The following DXO variants were observed in gnomAD, a reference collection of about 807,000 sequenced individuals.
The protein encoded by DXO is decapping and exoribonuclease protein.
In DXO, 42 loss-of-function variants were observed where a neutral mutation model predicts 39.8. The ratio of observed to expected loss-of-function variants is 1.06; its 90% CI spans 0.83 to 1.37. The LOEUF (loss-of-function observed/expected upper bound fraction) is 1.37. Among genes scored for constraint, DXO ranks in the 40% most tolerant of loss-of-function variants. DXO has a pLI of 0.00. For missense variants in DXO, 495 were observed against 513.0 expected (o/e 0.96, Z 0.34); for synonymous variants, 193 against 200.4 (o/e 0.96, Z 0.31).
rs750769901 is a variant in DXO at position 31,970,016 on chromosome 6, T to A, written c.1052A>T (p.His351Leu). 5.0e-6 allele frequency: 8 copies of A among 1,613,614 alleles called. No homozygotes were observed. In the Admixed American group the frequency reaches 1.2e-4, roughly 24 times the overall value. The change falls in exon 7 of 7, where the codon CAT (histidine) becomes CTT (leucine). Residue 351 changes from histidine to leucine, a missense_variant. Transcript: ENST00000337523. The surrounding 1 kb of genome is among the most constrained non-coding windows in gnomAD (Gnocchi z 4.0). The part of the protein sequence containing the change: ...TVVQDDPRLV[H>L]LFSWEPGGPV... ...GCCGCCAGGCTCCCAAGAGAAGAGATGAACGAGCCTGGGGGGCAGATGGAG... is the reference window on the plus strand; with the variant it reads ...GCCGCCAGGCTCCCAAGAGAAGAGAAGAACGAGCCTGGGGGGCAGATGGAG...
Position 31,969,986 on chromosome 6 carries a change from A to G in DXO, c.1082T>C (p.Val361Ala). The change falls in exon 7 of 7, where the codon GTC becomes GCC. Residue 361 changes from valine (V) to alanine (A), a missense_variant. Transcript: ENST00000337523. The surrounding 1 kb of genome is among the most constrained non-coding windows in gnomAD (Gnocchi z 6.1). ...HLFSWEPGGP[V>A]TVSVHQDAPY... ...TGCATCTTGGTGTACAGACACGGTG[A>G]CTGGGCCGCCAGGCTCCCAAGAGAA... The G allele has an allele frequency of 6.2e-7, 1 of 1,613,978 alleles. No homozygotes were observed. Among genetic ancestry groups the G allele is most frequent in the African/African-American group, 1.3e-5 (1 of 74,942 alleles).
chr6:31,971,574 G>A lies in DXO; in HGVS notation c.102C>T (p.Ala34=), dbSNP rs1271940161. 6 of 1,613,988 alleles carry A rather than the reference G, an allele frequency of 3.7e-6. No individual in the cohort carries two copies. The East Asian group carries it at 8.9e-5, about 24-fold the overall frequency. ...RPAPSLPTDP[A]LYSGPFPFYR... is the part of the protein sequence containing the mutation. ...AGAAAGGAAAGGGCCCAGAGTAGAG[G>A]GCAGGGTCTGTGGGCAGAGAAGGTG... is the stretch of plus-strand genomic sequence containing the variant. The change falls in exon 2 of 7, where the codon GCC becomes GCT. Residue 34 remains alanine, a synonymous_variant. Transcript: ENST00000337523. This position sits in a 1 kb window ranked among gnomAD's most constrained non-coding sequence, Gnocchi z 4.5.
At position 31,971,913 on chromosome 6, in the gene DXO, T is replaced by A; in HGVS notation, c.-7+16A>T. The A allele has an allele frequency of 1.3e-6, 2 of 1,529,686 alleles. No homozygotes were observed. Among genetic ancestry groups the A allele is most frequent in the Non-Finnish European group, 1.8e-6 (2 of 1,136,954 alleles). 94.8% of individuals were successfully genotyped at this position (1,529,686 alleles called of 1,614,324 possible). A position where few individuals can be genotyped will look rare whatever the true frequency, so the allele number is the denominator to read the frequency against. On this transcript the variant is annotated intron_variant, in intron 1 of 6. Transcript: ENST00000337523. This position sits in a 1 kb window ranked among gnomAD's most constrained non-coding sequence, Gnocchi z 4.5. ...GTTAGGAAGGACGTCTGCGCTCAGATCAAGAATCCAGTTACCTCAAAGCTC... is the reference window on the plus strand; with the variant it reads ...GTTAGGAAGGACGTCTGCGCTCAGAACAAGAATCCAGTTACCTCAAAGCTC...
rs1454911809 is a variant in DXO at position 31,970,293 on chromosome 6, G to A, written c.948+50C>T. On this transcript the variant is annotated intron_variant, in intron 5 of 6. Transcript: ENST00000337523. The surrounding 1 kb of genome is among the most constrained non-coding windows in gnomAD (Gnocchi z 4.0). ...CTGTTGCCCTGGATGCTAGACCTGT[G>A]GTCTTGGTGTTTGGGGATACGGGTG... The A allele has an allele frequency of 6.2e-7, 1 of 1,613,824 alleles. No homozygotes were observed. Among genetic ancestry groups the A allele is most frequent in the Non-Finnish European group, 8.5e-7 (1 of 1,179,904 alleles).
chr6:31,971,660 T>A lies in DXO; in HGVS notation c.16A>T (p.Thr6Ser). 6.2e-7 allele frequency: 1 copy of A among 1,606,484 alleles called. No individual in the cohort carries two copies. ...TCTGTCTTCTCAGCTCCTCTCTTGG[T>A]CCCCCTGGGATCCATGAGGTCCTAA... is the stretch of plus-strand genomic sequence containing the variant. Reference protein sequence around the residue: MDPRGTKRGAEKTEVA... With the variant: MDPRGSKRGAEKTEVA... Residue 6 changes from threonine (T) to serine (S), a missense_variant, in exon 2 of 7, where the codon ACC becomes TCC. Thr to Ser is a moderately conservative substitution (Grantham distance 58). Coordinates refer to ENST00000337523, the MANE Select transcript of DXO (RefSeq NM_005510.4). This position sits in a 1 kb window ranked among gnomAD's most constrained non-coding sequence, Gnocchi z 4.5.
At position 31,971,377 on chromosome 6, in the gene DXO, T is replaced by C. The variant is rs1342332748; in HGVS notation, c.299A>G (p.Gln100Arg). 1.3e-6 allele frequency: 2 copies of C among 1,576,264 alleles called. No individual in the cohort carries two copies. Among genetic ancestry groups the C allele is most frequent in the Non-Finnish European group, 1.7e-6 (2 of 1,158,528 alleles). Residue 100 changes from glutamine (Q) to arginine (R), a missense_variant, in exon 2 of 7, where the codon CAG (glutamine) becomes CGG (arginine). By Grantham distance (43) the Gln-to-Arg change is conservative (BLOSUM62 1). Coordinates refer to ENST00000337523, the MANE Select transcript of DXO (RefSeq NM_005510.4). The surrounding 1 kb of genome is among the most constrained non-coding windows in gnomAD (Gnocchi z 4.5). The part of the protein sequence containing the change: ...DRYQPRDEEV[Q>R]ERLDHLLCWL... Reference sequence around the variant, plus strand: ...GCACAGCAGGTGGTCCAGCCTTTCCTGGACCTCCTCGTCCCGGGGCTGGTA... The same window carrying C: ...GCACAGCAGGTGGTCCAGCCTTTCCCGGACCTCCTCGTCCCGGGGCTGGTA...
In DXO at chr6:31,971,084, CG is replaced by C. The variant is rs1773271953; in HGVS notation, c.419del (p.Thr140ArgfsTer23). On this transcript the variant is annotated frameshift_variant, in exon 3 of 7. Transcript: ENST00000337523. LOFTEE classifies it high-confidence loss of function. The surrounding 1 kb of genome is among the most constrained non-coding windows in gnomAD (Gnocchi z 4.5). ...TWRGHLTKLL[T>X]TPYERQEGWQ... ...AGCCCTCCTGCCGCTCATACGGTGT[CG>C]TCAGCAGTTTTGTCAGGTGCCCCCG... is the stretch of plus-strand genomic sequence containing the variant. 1 of 1,612,792 alleles carries C rather than the reference CG, an allele frequency of 6.2e-7. No individual in the cohort carries two copies. Among genetic ancestry groups the C allele is most frequent in the Non-Finnish European group, 8.5e-7 (1 of 1,180,016 alleles).
Position 31,971,873 on chromosome 6 carries a change from T to TC in DXO, c.-7+55dup. 6.9e-7 allele frequency: 1 copy of TC among 1,450,734 alleles called. No individual in the cohort carries two copies. The highest frequency in any genetic ancestry group is 9.2e-7 in the Non-Finnish European group (1 of 1,088,720). The allele number at this position is 1,450,734 out of a possible 1,614,324, so 89.9% of individuals were successfully genotyped here. The stretch of plus-strand genomic sequence containing the variant: ...CTTCACCCACCCTCCCTCCAGGTCC[T>TC]CCAAATGCAGTGAGGTTAGGAAGGA... On this transcript the variant is annotated intron_variant, in intron 1 of 6. Transcript: ENST00000337523. This position sits in a 1 kb window ranked among gnomAD's most constrained non-coding sequence, Gnocchi z 4.5.
rs1012046591 is a variant in DXO at position 31,971,667 on chromosome 6, G to A, written c.9C>T (p.Pro3=). The change falls in exon 2 of 7, where the codon CCC becomes CCT. Residue 3 remains proline (P), a synonymous_variant. Transcript: ENST00000337523. The surrounding 1 kb of genome is among the most constrained non-coding windows in gnomAD (Gnocchi z 4.5). Reference sequence around the variant, plus strand: ...TCTCAGCTCCTCTCTTGGTCCCCCTGGGATCCATGAGGTCCTAAGACAAGC... The same window carrying A: ...TCTCAGCTCCTCTCTTGGTCCCCCTAGGATCCATGAGGTCCTAAGACAAGC... MD[P]RGTKRGAEKT... 2 of 1,604,874 alleles carry A rather than the reference G, an allele frequency of 1.2e-6. No individual in the cohort carries two copies. The highest frequency in any genetic ancestry group is 1.7e-6 in the Non-Finnish European group (2 of 1,179,284).
chr6:31,970,895 A>T lies in DXO; in HGVS notation c.592+17T>A. 6.2e-7 allele frequency: 1 copy of T among 1,610,544 alleles called. No individual in the cohort carries two copies. The highest frequency in any genetic ancestry group is 8.5e-7 in the Non-Finnish European group (1 of 1,178,020). ...CTCTGGGAAGGGGAAGGGGGCTATG[A>T]AGCAGGGGCAACTCACCTGCACACA... On this transcript the variant is annotated intron_variant, in intron 3 of 6. Transcript: ENST00000337523. The surrounding 1 kb of genome is among the most constrained non-coding windows in gnomAD (Gnocchi z 4.0).
At position 31,970,409 on chromosome 6, in the gene DXO, A is replaced by G; in HGVS notation, c.882T>C (p.Arg294=). The G allele has an allele frequency of 3.1e-6, 5 of 1,614,140 alleles. No individual in the cohort carries two copies. Among genetic ancestry groups the G allele is most frequent in the Non-Finnish European group, 3.4e-6 (4 of 1,180,016 alleles). ...GGGAAGAGACAAAACCGTCTGGGTT[A>G]CGGAAGCCAGCAACAACATTCGGGA... ...PGVPNVVAGF[R]NPDGFVSSLK... Residue 294 remains arginine (R), a synonymous_variant, in exon 5 of 7, where the codon CGT becomes CGC. Coordinates refer to ENST00000337523, the MANE Select transcript of DXO (RefSeq NM_005510.4). This position sits in a 1 kb window ranked among gnomAD's most constrained non-coding sequence, Gnocchi z 4.0.
rs45534831 is a variant in DXO at position 31,970,411 on chromosome 6, G to A, written c.880C>T (p.Arg294Cys). Reference protein sequence around the residue: ...PGVPNVVAGFRNPDGFVSSLK... With the variant: ...PGVPNVVAGFCNPDGFVSSLK... ...GAAGAGACAAAACCGTCTGGGTTAC[G>A]GAAGCCAGCAACAACATTCGGGACC... Residue 294 changes from arginine (R) to cysteine (C), a missense_variant, in exon 5 of 7, where the codon CGT (arginine) becomes TGT (cysteine). Coordinates refer to ENST00000337523, the MANE Select transcript of DXO (RefSeq NM_005510.4). The surrounding 1 kb of genome is among the most constrained non-coding windows in gnomAD (Gnocchi z 4.0). 7,011 of 1,614,072 alleles carry A rather than the reference G, an allele frequency of 4.3e-3. 20 individuals are homozygous for A. Among genetic ancestry groups the A allele is most frequent in the Non-Finnish European group, 5.6e-3 (6,596 of 1,180,004 alleles).
chr6:31,971,831 C>A lies in DXO; in HGVS notation c.-7+98G>T. 1 of 1,331,836 alleles carries A rather than the reference C, an allele frequency of 7.5e-7. No homozygotes were observed. The highest frequency in any genetic ancestry group is 1.5e-5 in the South Asian group (1 of 67,618). The allele number at this position is 1,331,836 out of a possible 1,614,324, so 82.5% of individuals were successfully genotyped here. A position where few individuals can be genotyped will look rare whatever the true frequency, so the allele number is the denominator to read the frequency against. On this transcript the variant is annotated intron_variant, in intron 1 of 6. Coordinates refer to ENST00000337523, the MANE Select transcript of DXO (RefSeq NM_005510.4). This position sits in a 1 kb window ranked among gnomAD's most constrained non-coding sequence, Gnocchi z 4.5. ...ACGCCACCGCGGCCAAGCTCTCATCCTGCCTCTTTCCTTGCCCTTCACCCA... is the reference window on the plus strand; with the variant it reads ...ACGCCACCGCGGCCAAGCTCTCATCATGCCTCTTTCCTTGCCCTTCACCCA...
At position 31,970,967 on chromosome 6, in the gene DXO, C is replaced by G. The variant is rs1466519377; in HGVS notation, c.537G>C (p.Pro179=). ...NARAQRLARP[P]LLRELMYMGY... ...CCATGTACATAAGCTCCCGGAGGAG[C>G]GGTGGCCGAGCAAGCCTCTGGGCCC... Residue 179 remains proline, a synonymous_variant, in exon 3 of 7, where the codon CCG becomes CCC. Coordinates refer to ENST00000337523, the MANE Select transcript of DXO (RefSeq NM_005510.4). The surrounding 1 kb of genome is among the most constrained non-coding windows in gnomAD (Gnocchi z 4.0). The G allele has an allele frequency of 3.1e-6, 5 of 1,612,882 alleles. No homozygotes were observed. The highest frequency in any genetic ancestry group is 4.2e-6 in the Non-Finnish European group (5 of 1,180,018).
chr6:31,970,132 G>A lies in DXO; in HGVS notation c.1020C>T (p.Ser340=), dbSNP rs921146911. 1 of 1,613,752 alleles carries A rather than the reference G, an allele frequency of 6.2e-7. No homozygotes were observed. Among genetic ancestry groups the A allele is most frequent in the Non-Finnish European group, 8.5e-7 (1 of 1,180,022 alleles). Residue 340 remains serine (S), a synonymous_variant, in exon 6 of 7, where the codon AGC becomes AGT. Coordinates refer to ENST00000337523, the MANE Select transcript of DXO (RefSeq NM_005510.4). This position sits in a 1 kb window ranked among gnomAD's most constrained non-coding sequence, Gnocchi z 4.0. ...ACCTGGGGTCATCCTGGACAACCGTGCTCTGGGCAAAGCTAAGGAAGGCGG... is the reference window on the plus strand; with the variant it reads ...ACCTGGGGTCATCCTGGACAACCGTACTCTGGGCAAAGCTAAGGAAGGCGG... ...FCAAFLSFAQ[S]TVVQDDPRLV...
At position 31,970,714 on chromosome 6, in the gene DXO, A is replaced by G. The variant is rs1773204754; in HGVS notation, c.704T>C (p.Val235Ala). The change falls in exon 4 of 7, where the codon GTA (valine) becomes GCA (alanine). Residue 235 changes from valine (V) to alanine (A), a missense_variant. Coordinates refer to ENST00000337523, the MANE Select transcript of DXO (RefSeq NM_005510.4). This position sits in a 1 kb window ranked among gnomAD's most constrained non-coding sequence, Gnocchi z 4.0. Reference protein sequence around the residue: ...GSHPLLFSGEVDCTDPQAPST... With the variant: ...GSHPLLFSGEADCTDPQAPST... ...TGGGGCTTGGGGGTCTGTGCAGTCTACCTCCCCTGAGAAGAGCAGAGGGTG... is the reference window on the plus strand; with the variant it reads ...TGGGGCTTGGGGGTCTGTGCAGTCTGCCTCCCCTGAGAAGAGCAGAGGGTG... The G allele has an allele frequency of 1.9e-6, 3 of 1,612,250 alleles. No individual in the cohort carries two copies. Among genetic ancestry groups the G allele is most frequent in the African/African-American group, 1.3e-5 (1 of 74,622 alleles).
rs757542075 is a variant in DXO at position 31,969,950 on chromosome 6, A to G, written c.1118T>C (p.Phe373Ser). The G allele has an allele frequency of 9.9e-6, 16 of 1,614,022 alleles. No individual in the cohort carries two copies. Among genetic ancestry groups the G allele is most frequent in the Non-Finnish European group, 1.3e-5 (15 of 1,180,018 alleles). ...VSVHQDAPYA[F>S]LPIWYVEAMT... is the part of the protein sequence containing the mutation. ...AGCTTCCACATACCATATGGGCAGG[A>G]AGGCGTAAGGTGCATCTTGGTGTAC... Residue 373 changes from phenylalanine to serine, a missense_variant, in exon 7 of 7, where the codon TTC (phenylalanine) becomes TCC (serine). Coordinates refer to ENST00000337523, the MANE Select transcript of DXO (RefSeq NM_005510.4). This position sits in a 1 kb window ranked among gnomAD's most constrained non-coding sequence, Gnocchi z 6.1.
In DXO at chr6:31,970,289, C is replaced by G; in HGVS notation, c.948+54G>C. 6.2e-7 allele frequency: 1 copy of G among 1,613,946 alleles called. No homozygotes were observed. The highest frequency in any genetic ancestry group is 8.5e-7 in the Non-Finnish European group (1 of 1,179,928). ...CAGGCTGTTGCCCTGGATGCTAGAC[C>G]TGTGGTCTTGGTGTTTGGGGATACG... is the stretch of plus-strand genomic sequence containing the variant. On this transcript the variant is annotated intron_variant, in intron 5 of 6. Coordinates refer to ENST00000337523, the MANE Select transcript of DXO (RefSeq NM_005510.4). The surrounding 1 kb of genome is among the most constrained non-coding windows in gnomAD (Gnocchi z 4.0).
In DXO at chr6:31,971,559, G is replaced by A. The variant is rs1226429154; in HGVS notation, c.117C>T (p.Pro39=). The A allele has an allele frequency of 1.9e-6, 3 of 1,614,148 alleles. No homozygotes were observed. The highest frequency in any genetic ancestry group is 1.1e-5 in the South Asian group (1 of 91,084). ...CCGAAGGGCGCCGGTAGAAAGGAAAGGGCCCAGAGTAGAGGGCAGGGTCTG... is the reference window on the plus strand; with the variant it reads ...CCGAAGGGCGCCGGTAGAAAGGAAAAGGCCCAGAGTAGAGGGCAGGGTCTG... ...LPTDPALYSG[P]FPFYRRPSEL... is the part of the protein sequence containing the mutation. Residue 39 remains proline, a synonymous_variant, in exon 2 of 7, where the codon CCC becomes CCT. Coordinates refer to ENST00000337523, the MANE Select transcript of DXO (RefSeq NM_005510.4). This position sits in a 1 kb window ranked among gnomAD's most constrained non-coding sequence, Gnocchi z 4.5.
Sources: allele counts gnomAD v4.1 joint callset, GRCh38; gene constraint gnomAD v4.1.1; non-coding constraint Gnocchi (gnomAD v3.1); transcripts MANE v1.5; gene names NCBI Gene and HGNC (gene_info 2026-07-23, HGNC 2026-07-21).